The following GRIP1 variants were observed in gnomAD, a reference collection of about 807,000 sequenced individuals.
GRIP1 encodes the protein glutamate receptor interacting protein 1.
A neutral mutation model predicts 129.9 loss-of-function variants in GRIP1; 45 were observed. That is an observed-to-expected ratio of 0.35 (90% CI 0.27 to 0.44). The LOEUF (loss-of-function observed/expected upper bound fraction) is 0.44, where lower values mean the gene tolerates loss of function less well. Among genes scored for constraint, GRIP1 ranks in the 20% least tolerant of loss-of-function variants. The pLI is 1.00. For synonymous variants in GRIP1, 530 were observed against 520.8 expected (o/e 1.02, Z -0.24); for missense variants, 1,196 against 1,396.8 (o/e 0.86, Z 2.29).
intron 1 of GRIP1, among the ~76,000 whole-genome samples, chr12:66,876,358 C>T (rs746374656): frequency 6.6e-6 from 1 of 151,994 alleles, no homozygotes; most frequent in Non-Finnish European, 1.5e-5. Flanking sequence ...CATTTTCTAA[C>T]TTAATCATCA....
At chr12:66,370,443 T>C (rs1039252736) in intron 23 of GRIP1, among the ~76,000 whole-genome samples, 1 of 152,208 alleles carries the variant, frequency 6.6e-6, no homozygotes, top group Non-Finnish European at 1.5e-5. Context: ...ATCCTTTCTC[T>C]CACAGTATCC....
intron 1 of GRIP1, among the ~76,000 whole-genome samples, chr12:66,819,182 G>A (rs920481913): frequency 6.6e-6 from 1 of 152,200 alleles, no homozygotes; most frequent in Non-Finnish European, 1.5e-5. Context: ...TATCCAAACC[G>A]ATGTATATTT....
intron 1 of GRIP1, among the ~76,000 whole-genome samples, chr12:67,027,489 A>G (rs774389): frequency 0.46 from 70,374 of 152,126 alleles, 18,915 homozygotes; most frequent in East Asian, 0.77. Flanking sequence ...CATGCTAAAT[A>G]CTTAGGCTAT....
intron 1 of GRIP1, among the ~76,000 whole-genome samples, chr12:66,952,651 AC>A (rs1566092507): frequency 6.6e-6 from 1 of 152,176 alleles, no homozygotes; most frequent in East Asian, 1.9e-4. Context: ...GGCAGAAAAC[AC>A]TTACTTTTTT....
chr12:66,420,551 G>A (rs952659181), intron 15 of GRIP1, among the ~76,000 whole-genome samples, 169 bp downstream of exon 15: 4 of 151,668 alleles, frequency 2.6e-5, no homozygotes, highest in African/African-American at 9.7e-5. Context: ...AGAGATCTAT[G>A]GAGCCACTGG....
chr12:66,392,523 T>C, intron 18 of GRIP1, 21 bp from the exon 19 acceptor site: 3 of 1,608,302 alleles, frequency 1.9e-6, no homozygotes, highest in Non-Finnish European at 2.6e-6. Flanking sequence ...AGGAAAGGAG[T>C]TTAAGTATCA....
At chr12:66,979,252 AAAC>A (rs1555257219) in intron 1 of GRIP1, among the ~76,000 whole-genome samples, 1 of 110,228 alleles carries the variant, frequency 9.1e-6, no homozygotes, top group Non-Finnish European at 1.8e-5. Context: ...AAAAAAAAAA[AAAC>A]AAGCCCGTCA....
At chr12:67,000,780 C>A (rs1470480250) in intron 1 of GRIP1, among the ~76,000 whole-genome samples, 1 of 152,122 alleles carries the variant, frequency 6.6e-6, no homozygotes, top group Non-Finnish European at 1.5e-5. Flanking sequence ...TGGCTTGACT[C>A]TGAATTTTCC....
intron 2 of GRIP1, among the ~76,000 whole-genome samples, chr12:66,545,610 G>C (rs1365291152): frequency 6.6e-6 from 1 of 152,112 alleles, no homozygotes; most frequent in Non-Finnish European, 1.5e-5. Flanking sequence ...TAAATGAAAA[G>C]GCATCCCATT....
chr12:66,861,753 A>T (rs903700174), intron 1 of GRIP1, among the ~76,000 whole-genome samples: 10 of 152,122 alleles, frequency 6.6e-5, no homozygotes, highest in Non-Finnish European at 1.0e-4. Flanking sequence ...TAAAAACTAT[A>T]ATTTTCTAAT....
chr12:66,512,231 T>G (rs1374842136), intron 7 of GRIP1, among the ~76,000 whole-genome samples: 1 of 151,996 alleles, frequency 6.6e-6, no homozygotes, highest in Admixed American at 6.6e-5. Context: ...TTGAGAGAAA[T>G]GGGGCACTGC....
chr12:66,572,037 A>T (rs1286259662), intron 2 of GRIP1, among the ~76,000 whole-genome samples: 3 of 152,088 alleles, frequency 2.0e-5, no homozygotes, highest in Non-Finnish European at 2.9e-5. Context: ...GCCTAAAAAA[A>T]CCCCACACTT....
At chr12:66,630,616 A>C (rs1421047681) in intron 1 of GRIP1, among the ~76,000 whole-genome samples, 2 of 152,248 alleles carry the variant, frequency 1.3e-5, no homozygotes, top group Non-Finnish European at 2.9e-5. Context: ...CCATACATTC[A>C]AAAGTTAGCT....
chr12:66,474,072 C>G (rs956411192), intron 7 of GRIP1, among the ~76,000 whole-genome samples: 1 of 151,866 alleles, frequency 6.6e-6, no homozygotes, highest in Non-Finnish European at 1.5e-5. Context: ...TGCAAGGAAG[C>G]TAAGAACCTT....
chr12:66,640,988 T>C (rs1259929261), intron 1 of GRIP1, among the ~76,000 whole-genome samples: 1 of 152,194 alleles, frequency 6.6e-6, no homozygotes, highest in East Asian at 1.9e-4. Context: ...CAATAACTTT[T>C]TTTTTCCAGA....
chr12:66,943,272 G>A (rs1440771512), intron 1 of GRIP1, among the ~76,000 whole-genome samples: 2 of 152,152 alleles, frequency 1.3e-5, no homozygotes, highest in Non-Finnish European at 1.5e-5. Flanking sequence ...ACAGCAGGGG[G>A]CCTAGCACCT....
intron 1 of GRIP1, among the ~76,000 whole-genome samples, chr12:66,940,482 G>A (rs904841215): frequency 6.6e-6 from 1 of 152,046 alleles, no homozygotes; most frequent in African/African-American, 2.4e-5. Context: ...TCAGCACCTT[G>A]TAGACTGCTT....
intron 1 of GRIP1, among the ~76,000 whole-genome samples, chr12:66,708,780 A>AC (rs2035619597): frequency 8.0e-6 from 1 of 125,396 alleles, no homozygotes; most frequent in Non-Finnish European, 1.8e-5. Flanking sequence ...TCAACCCATC[A>AC]CTTACATTTT....
At position 67,035,261 on chromosome 12, in the gene GRIP1, G is replaced by C. The variant is rs568856585; in HGVS notation, c.58+33789C>G. Among the ~76,000 whole-genome samples the C allele has an allele frequency of 7.2e-4, 109 of 152,290 alleles. 1 individual carries two copies. In the South Asian group the frequency reaches 0.022, roughly 31 times the overall value. ...TCCATAAAGCTCGGGCTTCGCAGAA[G>C]CTCTTTTATCTGAGGATATCCCTTT... On this transcript the variant is annotated intron_variant, in intron 1 of 1. Coordinates refer to the GRIP1 transcript ENST00000643019.
Sources: allele counts gnomAD v4.1 joint callset (sites outside exome capture counted in the v4.1 genomes callset), GRCh38; gene constraint gnomAD v4.1.1; transcripts MANE v1.5; gene names NCBI Gene and HGNC (gene_info 2026-07-23, HGNC 2026-07-21).